The following TMEM44 variants were observed in gnomAD, a reference collection of about 807,000 sequenced individuals.
The protein encoded by TMEM44 is transmembrane protein 44.
In TMEM44, 43 loss-of-function variants were observed where a neutral mutation model predicts 47.8. The ratio of observed to expected loss-of-function variants is 0.90; its 90% CI spans 0.70 to 1.16. The LOEUF (loss-of-function observed/expected upper bound fraction) is 1.16. TMEM44 is among the 50% of genes most tolerant of loss of function. TMEM44 has a pLI of 0.00. For synonymous variants in TMEM44, 277 were observed against 238.8 expected (o/e 1.16, Z -1.48); for missense variants, 568 against 555.2 (o/e 1.02, Z -0.23).
At chr3:194,604,193 G>A (rs2109170616) in intron 9 of TMEM44, 94 bp downstream of exon 9, 9 of 1,463,584 alleles carry the variant, frequency 6.1e-6, no homozygotes, top group Non-Finnish European at 8.4e-6. Flanking sequence ...ACGTGGATAA[G>A]ATGAGAACAG....
chr3:194,621,482 C>T (rs1247345555), intron 5 of TMEM44, among the ~76,000 whole-genome samples: 1 of 152,210 alleles, frequency 6.6e-6, no homozygotes, highest in Admixed American at 6.5e-5. Flanking sequence ...AGCTCTGACA[C>T]CACCCTGGAG....
At chr3:194,604,191 A>G in intron 9 of TMEM44, 96 bp downstream of exon 9, 1 of 1,445,076 alleles carries the variant, frequency 6.9e-7, no homozygotes, top group Non-Finnish European at 9.4e-7. Flanking sequence ...TAACGTGGAT[A>G]AGATGAGAAC....
intron 7 of TMEM44, among the ~76,000 whole-genome samples, chr3:194,612,457 A>T (rs1411982745): frequency 1.3e-5 from 2 of 151,940 alleles, no homozygotes; most frequent in African/African-American, 4.8e-5. Flanking sequence ...CCATTTGGAG[A>T]ACATTCGGAG....
intron 8 of TMEM44, among the ~76,000 whole-genome samples, chr3:194,605,218 T>TC (rs990480440): frequency 6.6e-6 from 1 of 151,950 alleles, no homozygotes; most frequent in Non-Finnish European, 1.5e-5. Context: ...GACCAAAGCT[T>TC]CCCCCCATGG....
intron 9 of TMEM44, among the ~76,000 whole-genome samples, chr3:194,599,124 C>T (rs930671022): frequency 6.6e-6 from 1 of 152,164 alleles, no homozygotes; most frequent in East Asian, 1.9e-4. Context: ...AAGTCACGAA[C>T]CAGAGGAAGT....
chr3:194,622,262 A>G (rs1409042055), intron 5 of TMEM44, among the ~76,000 whole-genome samples: 3 of 152,214 alleles, frequency 2.0e-5, no homozygotes, highest in African/African-American at 7.2e-5. Context: ...TTCTGAGGTA[A>G]CGTGACGCCT....
intron 8 of TMEM44, among the ~76,000 whole-genome samples, chr3:194,605,478 CA>C (rs776870611): frequency 2.6e-5 from 4 of 152,336 alleles, no homozygotes; most frequent in South Asian, 4.1e-4. Flanking sequence ...GGAGGCCTCA[CA>C]ATCACGGCAG....
chr3:194,596,895 T>C (rs1713481830), intron 9 of TMEM44: 1 of 152,218 alleles, frequency 6.6e-6, no homozygotes, highest in Non-Finnish European at 1.5e-5. Context: ...AGGGCAGACA[T>C]CCAGGGGAAT....
intron 9 of TMEM44, among the ~76,000 whole-genome samples, chr3:194,597,493 T>C (rs1281778728): frequency 1.3e-5 from 2 of 151,832 alleles, no homozygotes; most frequent in East Asian, 3.9e-4. Context: ...ACCCCATCTC[T>C]ACTAAAAATA....
At chr3:194,590,554 T>C (rs1241581894) in intron 9 of TMEM44, among the ~76,000 whole-genome samples, 1 of 152,242 alleles carries the variant, frequency 6.6e-6, no homozygotes, top group Non-Finnish European at 1.5e-5. Flanking sequence ...GGCCCTGTTC[T>C]GTTCTCTGAG....
At chr3:194,624,723 AT>A in intron 3 of TMEM44, among the ~76,000 whole-genome samples, 1 of 126,170 alleles carries the variant, frequency 7.9e-6, no homozygotes, top group Non-Finnish European at 1.8e-5. Flanking sequence ...CACTTGGTTC[AT>A]CCCCTTTTTT....
intron 8 of TMEM44, among the ~76,000 whole-genome samples, chr3:194,610,329 G>A (rs1041522849): frequency 3.3e-5 from 5 of 151,858 alleles, no homozygotes; most frequent in Non-Finnish European, 5.9e-5. Flanking sequence ...ATACCACCCC[G>A]AAATATGCCT....
chr3:194,603,508 A>C (rs528162246), intron 9 of TMEM44, among the ~76,000 whole-genome samples: 24 of 151,832 alleles, frequency 1.6e-4, no homozygotes, highest in African/African-American at 5.3e-4. Context: ...AGTGATTCTC[A>C]TGCCTCAGCC....
chr3:194,590,442 A>G (rs1031568078), intron 9 of TMEM44, among the ~76,000 whole-genome samples: 2 of 152,124 alleles, frequency 1.3e-5, no homozygotes, highest in Non-Finnish European at 2.9e-5. Flanking sequence ...ACCTGGCTGG[A>G]CCCCTTGAAC....
chr3:194,589,512 C>T (rs1039570242), intron 9 of TMEM44: 2 of 152,224 alleles, frequency 1.3e-5, no homozygotes, highest in African/African-American at 4.8e-5. Context: ...CAAACGTTCG[C>T]TCCTGCTCCT....
At chr3:194,616,825 G>A in intron 6 of TMEM44, 1 of 492,488 alleles carries the variant, frequency 2.0e-6, no homozygotes, top group Non-Finnish European at 3.7e-6. Flanking sequence ...AAATTGGGAG[G>A]TGAAGGTTGC....
chr3:194,601,210 C>A (rs149800906), intron 9 of TMEM44, among the ~76,000 whole-genome samples: 7,052 of 149,790 alleles, frequency 0.047, 230 homozygotes, highest in African/African-American at 0.084. Flanking sequence ...GTGGCGTGAT[C>A]TCGGCTCACT....
At chr3:194,613,490 T>A (rs1715547556) in intron 7 of TMEM44, among the ~76,000 whole-genome samples, 1 of 150,662 alleles carries the variant, frequency 6.6e-6, no homozygotes, top group Admixed American at 6.6e-5. Flanking sequence ...ATGAACACTT[T>A]AAAAAAAAAG....
chr3:194,615,468 G>A, intron 7 of TMEM44, 101 bp downstream of exon 7: 1 of 1,487,662 alleles, frequency 6.7e-7, no homozygotes, highest in Non-Finnish European at 9.0e-7. Context: ...CACTCGGCAG[G>A]CAGCTTTCAC....
Sources: allele counts gnomAD v4.1 joint callset (sites outside exome capture counted in the v4.1 genomes callset), GRCh38; gene constraint gnomAD v4.1.1; transcripts MANE v1.5; gene names NCBI Gene and HGNC (gene_info 2026-07-23, HGNC 2026-07-21).